FECH: variants seen among roughly 807,000 people sequenced by gnomAD.
The protein encoded by FECH is ferrochelatase, mitochondrial.
A neutral mutation model predicts 56.9 loss-of-function variants in FECH; 40 were observed. The ratio of observed to expected loss-of-function variants is 0.70; its 90% confidence interval spans 0.55 to 0.92. FECH has a LOEUF of 0.92. FECH is among the 40% of genes least tolerant of loss of function. The pLI is 0.00. For missense variants in FECH, 431 were observed against 529.1 expected (o/e 0.81, Z 1.82); for synonymous variants, 175 against 198.6 (o/e 0.88, Z 1.00).
chr18:57,576,530 T>C (rs2051187650), intron 2 of FECH, among the ~76,000 whole-genome samples: 2 of 152,268 alleles, frequency 1.3e-5, no homozygotes, highest in African/African-American at 2.4e-5. Flanking sequence ...AGTTAACAGA[T>C]TACTGGTTAA....
At position 57,550,850 on chromosome 18, in the gene FECH, G is replaced by A. The variant is rs748481923; in HGVS notation, c.1138-4C>T. ...AATGCACCAAGTCGGCCAGGGCCTGGAAGATAGACAAGAGGCAAAGACGCA... is the reference window on the plus strand; with the variant it reads ...AATGCACCAAGTCGGCCAGGGCCTGAAAGATAGACAAGAGGCAAAGACGCA... On this transcript the variant is annotated splice_polypyrimidine_tract_variant and splice_region_variant and intron_variant, in intron 10 of 10. Transcript: ENST00000262093. 29 of 1,613,378 alleles carry A rather than the reference G, an allele frequency of 1.8e-5. No individual in the cohort carries two copies. The highest frequency in any genetic ancestry group is 3.6e-4 in the Middle Eastern group (2 of 5,618).
chr18:57,554,555 A>G (rs1165456977), intron 8 of FECH, 131 bp from the exon 9 acceptor site: 1 of 960,880 alleles, frequency 1.0e-6, no homozygotes, highest in Non-Finnish European at 1.7e-6. Flanking sequence ...GCTTGAATGG[A>G]TTTTGATATT....
chr18:57,563,580 C>CAGAAAAAAA (rs2050974898), intron 5 of FECH, among the ~76,000 whole-genome samples: 2 of 33,620 alleles, frequency 5.9e-5, no homozygotes. Flanking sequence ...AACTCCGTCC[C>CAGAAAAAAA]AAAAAAAAAA....
chr18:57,558,569 T>TGCAAAAGCAG (rs1174870166), intron 7 of FECH, among the ~76,000 whole-genome samples: 2 of 152,252 alleles, frequency 1.3e-5, no homozygotes, highest in Non-Finnish European at 2.9e-5. Context: ...AAAGCAGCCT[T>TGCAAAAGCAG]CTCTTAACTG....
Position 57,546,468 on chromosome 18 carries a change from T to C in FECH, c.*4244A>G, listed in dbSNP as rs2050722295. On this transcript the variant is annotated 3_prime_UTR_variant, in exon 11 of 11. Coordinates refer to ENST00000262093, the MANE Select transcript of FECH (RefSeq NM_000140.5). ...TGGGGTATGGCTGCAGCCTAATCTC[T>C]CACCCTTTGTGGGTAATAATAATAT... Among the ~76,000 whole-genome samples the C allele has an allele frequency of 6.6e-6, 1 of 152,200 alleles. No homozygotes were observed. Among genetic ancestry groups the C allele is most frequent in the Non-Finnish European group, 1.5e-5 (1 of 68,042 alleles).
intron 10 of FECH, 192 bp downstream of exon 10, chr18:57,551,123 T>G: frequency 1.6e-6 from 1 of 639,474 alleles, no homozygotes; most frequent in East Asian, 2.7e-5. Flanking sequence ...TAGTTATAGG[T>G]GGGTAGAAAT....
rs950854901 is a variant in FECH, at chr18:57,549,521, C to A, written c.*1191G>T. ...CTTTACAAATTCTTCATGGAACCAC[C>A]GGGGATCTTTTAATCCATTTAAATA... On this transcript the variant is annotated 3_prime_UTR_variant, in exon 11 of 11. Transcript: ENST00000262093. 1 of 146,974 alleles carries A rather than the reference C, an allele frequency of 6.8e-6. No homozygotes were observed. The highest frequency in any genetic ancestry group is 2.5e-5 in the African/African-American group (1 of 40,600). 9.1% of individuals were successfully genotyped at this position (146,974 alleles called of 1,614,324 possible). A position where few individuals can be genotyped will look rare whatever the true frequency, so the allele number is the denominator to read the frequency against.
At chr18:57,566,383 A>G in intron 5 of FECH, 64 bp downstream of exon 5, 1 of 1,610,216 alleles carries the variant, frequency 6.2e-7, no homozygotes, top group East Asian at 2.2e-5. Context: ...TTCAGTACTT[A>G]GACTCCTTGG....
At chr18:57,565,531 G>A (rs1050848178) in intron 5 of FECH, among the ~76,000 whole-genome samples, 4 of 151,534 alleles carry the variant, frequency 2.6e-5, no homozygotes, top group Admixed American at 6.6e-5. Context: ...ACTTGAACCC[G>A]GGAGATGGAG....
Position 57,554,410 on chromosome 18 carries a change from G to A in FECH, c.927C>T (p.Pro309=), listed in dbSNP as rs2050840431. Residue 309 remains proline (P), a synonymous_variant, in exon 9 of 11, where the codon CCC becomes CCT. Transcript: ENST00000262093. ...ATTCGTCTGTTTGAGGACCCAACCA[G>A]GGCATTGGACCAACCTATGCGAAAG... ...LVWQSKVGPM[P]WLGPQTDESI... 6.2e-7 allele frequency: 1 copy of A among 1,614,164 alleles called. No homozygotes were observed. Among genetic ancestry groups the A allele is most frequent in the Non-Finnish European group, 8.5e-7 (1 of 1,180,020 alleles).
rs765113552 is a variant in FECH at position 57,550,877 on chromosome 18, G to A, written c.1138-31C>T. On this transcript the variant is annotated intron_variant, in intron 10 of 10. Transcript: ENST00000262093. Reference sequence around the variant, plus strand: ...AGATAGACAAGAGGCAAAGACGCATGAGAAGCACAGGGTCTGCTCGTCTGC... The same window carrying A: ...AGATAGACAAGAGGCAAAGACGCATAAGAAGCACAGGGTCTGCTCGTCTGC... 2.5e-6 allele frequency: 4 copies of A among 1,612,248 alleles called. No homozygotes were observed. In the African/African-American group the frequency reaches 4.0e-5, roughly 16 times the overall value.
chr18:57,579,313 G>GTGTGTA (rs531089366), intron 2 of FECH, among the ~76,000 whole-genome samples: 1,732 of 143,794 alleles, frequency 0.012, 38 homozygotes, highest in African/African-American at 0.038. Flanking sequence ...GTGTGTGTGT[G>GTGTGTA]TATATATTCA....
Position 57,557,135 on chromosome 18 carries a change from G to T in FECH, c.804+2010C>A, listed in dbSNP as rs549842041. Among the ~76,000 whole-genome samples, 7 of 152,266 alleles carry T rather than the reference G, an allele frequency of 4.6e-5. No homozygotes were observed. In the South Asian group the frequency reaches 1.0e-3, roughly 23 times the overall value. ...ATTGTACCAGCGCTGGTTTCTCAGC[G>T]TTGGTAACTGTACAGTGGTTGTGTA... On this transcript the variant is annotated intron_variant, in intron 7 of 10. Coordinates refer to ENST00000262093, the MANE Select transcript of FECH (RefSeq NM_000140.5).
intron 7 of FECH, 36 bp downstream of exon 7, chr18:57,559,109 T>C (rs1275680945): frequency 1.5e-6 from 2 of 1,360,180 alleles, no homozygotes; most frequent in East Asian, 4.6e-5. Context: ...CCCAATCCTC[T>C]ATCACTAGGT....
In FECH at chr18:57,548,113, G is replaced by A. The variant is rs886053977; in HGVS notation, c.*2599C>T. On this transcript the variant is annotated 3_prime_UTR_variant, in exon 11 of 11. Coordinates refer to ENST00000262093, the MANE Select transcript of FECH (RefSeq NM_000140.5). The stretch of plus-strand genomic sequence containing the variant: ...AAAAAATATAAAAAAGTAGCCCAGC[G>A]TGGTGAAGCACTCCTGTAGTCCCAG... Among the ~76,000 whole-genome samples, 5 of 151,872 alleles carry A rather than the reference G, an allele frequency of 3.3e-5. No individual in the cohort carries two copies. Among genetic ancestry groups the A allele is most frequent in the Admixed American group, 1.3e-4 (2 of 15,258 alleles).
chr18:57,550,831 C>T lies in FECH; in HGVS notation c.1153G>A (p.Val385Met). ...TCGTTTGACTGGATGTGTGAATGCA[C>T]CAAGTCGGCCAGGGCCTGGAAGATA... ...PLFSKALADL[V>M]HSHIQSNELC... Residue 385 changes from valine (V) to methionine (M), a missense_variant, in exon 11 of 11, where the codon GTG becomes ATG. Coordinates refer to ENST00000262093, the MANE Select transcript of FECH (RefSeq NM_000140.5). 6.2e-7 allele frequency: 1 copy of T among 1,613,894 alleles called. No homozygotes were observed. The highest frequency in any genetic ancestry group is 8.5e-7 in the Non-Finnish European group (1 of 1,180,024).
At chr18:57,568,052 T>C (rs1392531782) in intron 4 of FECH, among the ~76,000 whole-genome samples, 1 of 152,220 alleles carries the variant, frequency 6.6e-6, no homozygotes, top group Admixed American at 6.5e-5. Flanking sequence ...ATGTGCTTTG[T>C]GCTAAAAACC....
rs1015590879 is a variant in FECH at position 57,545,821 on chromosome 18, A to C, written c.*4891T>G. ...AAGTGTCTAGCTGGAGAAAATTGAC[A>C]AAAAAAATAGAAAGTTTGTAAAATG... On this transcript the variant is annotated 3_prime_UTR_variant, in exon 11 of 11. Transcript: ENST00000262093. 1.8e-5 allele frequency among the ~76,000 whole-genome samples: 2 copies of C among 109,844 alleles called. No homozygotes were observed. Among genetic ancestry groups the C allele is most frequent in the Non-Finnish European group, 4.4e-5 (2 of 45,400 alleles). The allele number at this position is 109,844 out of a possible 152,430, so 72.1% of individuals were successfully genotyped here.
chr18:57,573,457 T>C (rs1486679543), intron 2 of FECH, 92 bp from the exon 3 acceptor site: 1 of 1,455,486 alleles, frequency 6.9e-7, no homozygotes, highest in African/African-American at 1.4e-5. Flanking sequence ...TCTAATCTGT[T>C]CCATACAAAG....
Sources: allele counts gnomAD v4.1 joint callset (sites outside exome capture counted in the v4.1 genomes callset), GRCh38; gene constraint gnomAD v4.1.1; transcripts MANE v1.5; gene names NCBI Gene and HGNC (gene_info 2026-07-23, HGNC 2026-07-21).